The following TOPORS variants were observed in gnomAD, a reference collection of about 807,000 sequenced individuals.
TOPORS encodes E3 ubiquitin-protein ligase Topors.
In TOPORS, 25 loss-of-function variants were observed where a neutral mutation model predicts 81.4. The ratio of observed to expected loss-of-function variants is 0.31; its 90% CI spans 0.22 to 0.43. The LOEUF is 0.43. Ranked by LOEUF, TOPORS falls within the 20% of genes least tolerant of loss-of-function variation. The pLI, the probability that TOPORS is intolerant of heterozygous loss-of-function variation, is 1.00. For missense variants in TOPORS, 1,101 were observed against 1,267.0 expected, an observed-to-expected ratio of 0.87 and a Z score of 1.99; for synonymous variants, 473 against 456.6, an observed-to-expected ratio of 1.04 and a Z score of -0.46.
Position 32,542,023 on chromosome 9 carries a change from T to G in TOPORS, c.2502A>C (p.Gly834=), listed in dbSNP as rs1314158756. The G allele has an allele frequency of 6.2e-7, 1 of 1,614,046 alleles. No homozygotes were observed. Among genetic ancestry groups the G allele is most frequent in the Admixed American group, 1.7e-5 (1 of 60,004 alleles). The change falls in exon 3 of 3, where the codon GGA becomes GGC. Residue 834 remains glycine, a synonymous_variant. Transcript: ENST00000360538. ...AGGTATCACTCTCATTTTTGTAGTT[T>G]CCATCCAATTTTGATGAAGATTTTT... The part of the protein sequence containing the change: ...HYQKSSSKLD[G]NYKNESDTFS...
chr9:32,550,787 G>C lies in TOPORS; in HGVS notation c.185C>G (p.Pro62Arg). The change falls in exon 2 of 3, where the codon CCG (proline) becomes CGG (arginine). Residue 62 changes from proline to arginine, a missense_variant. Physicochemically the swap from Pro to Arg is moderately radical, Grantham distance 103. Transcript: ENST00000360538. ...LAASAPARPA[P>R]ASSEIMASAA... ...AATCTCACTCACCTCGGAGGATGCC[G>C]GCGCAGGCCTGGCTGGGGCGCTCGC... is the stretch of plus-strand genomic sequence containing the variant. The C allele has an allele frequency of 6.2e-7, 1 of 1,612,860 alleles. No homozygotes were observed. The highest frequency in any genetic ancestry group is 1.1e-5 in the South Asian group (1 of 91,058).
In TOPORS at chr9:32,542,027, T is replaced by A. The variant is rs757158120; in HGVS notation, c.2498A>T (p.Asp833Val). ...ATCACTCTCATTTTTGTAGTTTCCA[T>A]CCAATTTTGATGAAGATTTTTGGTA... ...SHYQKSSSKL[D>V]GNYKNESDTF... Residue 833 changes from aspartate to valine, a missense_variant, in exon 3 of 3, where the codon GAT becomes GTT. Coordinates refer to ENST00000360538, the MANE Select transcript of TOPORS (RefSeq NM_005802.5). 3.1e-6 allele frequency: 5 copies of A among 1,614,152 alleles called. No homozygotes were observed. The East Asian group carries it at 8.9e-5, about 29-fold the overall frequency.
At chr9:32,550,723 C>G (rs1219352736) in intron 2 of TOPORS, 51 bp downstream of exon 2, 1 of 1,603,168 alleles carries the variant, frequency 6.2e-7, no homozygotes, top group African/African-American at 1.3e-5. Flanking sequence ...GGAGCGCCAA[C>G]TCCCACGGCC....
chr9:32,549,487 T>C (rs1393207526), intron 2 of TOPORS, among the ~76,000 whole-genome samples: 1 of 152,208 alleles, frequency 6.6e-6, no homozygotes. Flanking sequence ...AATCTCACGT[T>C]TTCTCAATTC....
rs975571062 is a variant in TOPORS at position 32,543,317 on chromosome 9, T to C, written c.1208A>G (p.Glu403Gly). 1.9e-6 allele frequency: 3 copies of C among 1,614,000 alleles called. No individual in the cohort carries two copies. The highest frequency in any genetic ancestry group is 1.7e-6 in the Non-Finnish European group (2 of 1,180,032). The change falls in exon 3 of 3, where the codon GAG (glutamate) becomes GGG (glycine). Residue 403 changes from glutamate (E) to glycine (G), a missense_variant. This residue lies in a region of TOPORS where 103 missense variants were observed against 112.1 expected (regional missense o/e 0.92). Coordinates refer to ENST00000360538, the MANE Select transcript of TOPORS (RefSeq NM_005802.5). The surrounding 1 kb of genome is among the most constrained non-coding windows in gnomAD (Gnocchi z 5.6). ...AACAGTGGCTACATTAATATCCAGC[T>C]CTTGGGTCTCAGCCTCATCTGGAGA... ...TISPDEAETQELDINVATVSQ... is the reference protein window; with the variant it reads ...TISPDEAETQGLDINVATVSQ...
At chr9:32,547,235 G>T (rs962583626) in intron 2 of TOPORS, among the ~76,000 whole-genome samples, 6 of 112,156 alleles carry the variant, frequency 5.3e-5, no homozygotes, top group Admixed American at 1.7e-4. Context: ...CAAACAATTG[G>T]AATGCATGTA....
Position 32,541,330 on chromosome 9 carries a change from A to G in TOPORS, c.*57T>C. On this transcript the variant is annotated 3_prime_UTR_variant, in exon 3 of 3. Coordinates refer to ENST00000360538, the MANE Select transcript of TOPORS (RefSeq NM_005802.5). Reference sequence around the variant, plus strand: ...CTTTAAATAGACTGCAGTAGACGACATTCTTCCTTTTTCCTTTTTATAACA... The same window carrying G: ...CTTTAAATAGACTGCAGTAGACGACGTTCTTCCTTTTTCCTTTTTATAACA... The G allele has an allele frequency of 6.4e-7, 1 of 1,564,694 alleles. No homozygotes were observed. Among genetic ancestry groups the G allele is most frequent in the Non-Finnish European group, 8.8e-7 (1 of 1,138,374 alleles).
Position 32,540,703 on chromosome 9 carries a change from C to A in TOPORS, c.*684G>T, listed in dbSNP as rs766669578. The stretch of plus-strand genomic sequence containing the variant: ...ATTTATGACATAATTATGCCCTTAG[C>A]TACTTTCAAGATTTTAACTTTACTA... On this transcript the variant is annotated 3_prime_UTR_variant, in exon 3 of 3. Transcript: ENST00000360538. 1 of 152,446 alleles carries A rather than the reference C, an allele frequency of 6.6e-6. No homozygotes were observed. The highest frequency in any genetic ancestry group is 1.5e-5 in the Non-Finnish European group (1 of 68,002). The allele number at this position is 152,446 out of a possible 1,614,324, so 9.4% of individuals were successfully genotyped here.
At position 32,542,707 on chromosome 9, in the gene TOPORS, ACT is replaced by A; in HGVS notation, c.1816_1817del (p.Ser606Ter). On this transcript the variant is annotated frameshift_variant, in exon 3 of 3. Transcript: ENST00000360538. LOFTEE classifies it high-confidence loss of function. ...GATTCTTCTGATCATGCCCACTTCT[ACT>A]CTGAGAACGTGAATCTGAACTTCTT... Reference protein sequence around the residue: ...RSRSSDSRSQSRSGHDQKNHR... With the variant: ...RSRSSDSRSQXRSGHDQKNHR... 6.2e-7 allele frequency: 1 copy of A among 1,613,804 alleles called. No homozygotes were observed. Among genetic ancestry groups the A allele is most frequent in the Non-Finnish European group, 8.5e-7 (1 of 1,179,962 alleles).
At position 32,550,819 on chromosome 9, in the gene TOPORS, C is replaced by G. The variant is rs1366648700; in HGVS notation, c.153G>C (p.Glu51Asp). ...GCCTGGCTGGGGCGCTCGCCGCGAGCTCCCGGCAGCCCAGAAAGCTAGGTC... is the reference window on the plus strand; with the variant it reads ...GCCTGGCTGGGGCGCTCGCCGCGAGGTCCCGGCAGCCCAGAAAGCTAGGTC... ...RHRPSFLGCR[E>D]LAASAPARPA... Residue 51 changes from glutamate (E) to aspartate (D), a missense_variant, in exon 2 of 3, where the codon GAG becomes GAC. Transcript: ENST00000360538. 6.2e-7 allele frequency: 1 copy of G among 1,612,596 alleles called. No individual in the cohort carries two copies. The highest frequency in any genetic ancestry group is 8.5e-7 in the Non-Finnish European group (1 of 1,179,726).
Position 32,542,732 on chromosome 9 carries a change from C to T in TOPORS, c.1793G>A (p.Arg598Lys). Reference sequence around the variant, plus strand: ...ACTCTGAGAACGTGAATCTGAACTTCTTGATCTTCCCCTCTTTCTGTGTCT... The same window carrying T: ...ACTCTGAGAACGTGAATCTGAACTTTTTGATCTTCCCCTCTTTCTGTGTCT... Reference protein sequence around the residue: ...NHRHRKRGRSRSSDSRSQSRS... With the variant: ...NHRHRKRGRSKSSDSRSQSRS... Residue 598 changes from arginine to lysine, a missense_variant, in exon 3 of 3, where the codon AGA becomes AAA. By Grantham distance (26) the Arg-to-Lys change is conservative. Transcript: ENST00000360538. 1 of 1,614,040 alleles carries T rather than the reference C, an allele frequency of 6.2e-7. No individual in the cohort carries two copies. The highest frequency in any genetic ancestry group is 1.7e-4 in the Middle Eastern group (1 of 6,060).
At chr9:32,549,660 A>G (rs1821196327) in intron 2 of TOPORS, among the ~76,000 whole-genome samples, 1 of 152,238 alleles carries the variant, frequency 6.6e-6, no homozygotes, top group African/African-American at 2.4e-5. Flanking sequence ...ATGGGTCCAG[A>G]CAGAGGATAG....
chr9:32,551,659 A>C, intron 1 of TOPORS: 1 of 281,124 alleles, frequency 3.6e-6, no homozygotes, highest in Non-Finnish European at 7.8e-6. Context: ...CAGGCCTCAA[A>C]TGTGAGCGCC....
chr9:32,548,176 T>C (rs1348814091), intron 2 of TOPORS, among the ~76,000 whole-genome samples: 5 of 151,140 alleles, frequency 3.3e-5, no homozygotes, highest in African/African-American at 1.2e-4. Flanking sequence ...CAAAGCTGTT[T>C]AAAAATACAA....
rs754060409 is a variant in TOPORS, at chr9:32,543,070, T to C, written c.1455A>G (p.Lys485=). The change falls in exon 3 of 3, where the codon AAA becomes AAG. Residue 485 remains lysine, a synonymous_variant. Coordinates refer to ENST00000360538, the MANE Select transcript of TOPORS (RefSeq NM_005802.5). The surrounding 1 kb of genome is among the most constrained non-coding windows in gnomAD (Gnocchi z 5.6). ...SDNCVIVGFV[K]PLAERTPELV... Reference sequence around the variant, plus strand: ...GTTCTGGGGTCCTCTCAGCTAGTGGTTTAACAAACCCAACAATGACACAAT... The same window carrying C: ...GTTCTGGGGTCCTCTCAGCTAGTGGCTTAACAAACCCAACAATGACACAAT... 6.2e-7 allele frequency: 1 copy of C among 1,614,174 alleles called. No individual in the cohort carries two copies. The highest frequency in any genetic ancestry group is 8.5e-7 in the Non-Finnish European group (1 of 1,180,028).
chr9:32,541,324 G>A lies in TOPORS; in HGVS notation c.*63C>T. The A allele has an allele frequency of 9.2e-6, 14 of 1,526,862 alleles. No individual in the cohort carries two copies. Among genetic ancestry groups the A allele is most frequent in the Non-Finnish European group, 1.3e-5 (14 of 1,106,466 alleles). 94.6% of individuals were successfully genotyped at this position (1,526,862 alleles called of 1,614,324 possible). ...TGTCATCTTTAAATAGACTGCAGTAGACGACATTCTTCCTTTTTCCTTTTT... is the reference window on the plus strand; with the variant it reads ...TGTCATCTTTAAATAGACTGCAGTAAACGACATTCTTCCTTTTTCCTTTTT... On this transcript the variant is annotated 3_prime_UTR_variant, in exon 3 of 3. Transcript: ENST00000360538.
At chr9:32,552,388 G>A (rs1821306465) in intron 1 of TOPORS, 46 bp downstream of exon 1, 1 of 1,605,914 alleles carries the variant, frequency 6.2e-7, no homozygotes, top group African/African-American at 1.3e-5. Context: ...TTACTGTAAG[G>A]CCCGCAGCTC....
At chr9:32,549,652 G>A (rs993799457) in intron 2 of TOPORS, among the ~76,000 whole-genome samples, 1 of 152,084 alleles carries the variant, frequency 6.6e-6, no homozygotes, top group African/African-American at 2.4e-5. Context: ...CTGATTATAT[G>A]GGTCCAGACA....
Position 32,543,168 on chromosome 9 carries a change from C to T in TOPORS, c.1357G>A (p.Gly453Arg), listed in dbSNP as rs1315782224. 6.8e-6 allele frequency: 11 copies of T among 1,613,980 alleles called. No individual in the cohort carries two copies. Among genetic ancestry groups the T allele is most frequent in the Non-Finnish European group, 9.3e-6 (11 of 1,180,024 alleles). Residue 453 changes from glycine (G) to arginine (R), a missense_variant, in exon 3 of 3, where the codon GGA (glycine) becomes AGA (arginine). Around this residue, in one of 9 missense-constraint regions of TOPORS, gnomAD observed 103 missense variants for 112.1 expected, o/e 0.92. Transcript: ENST00000360538. This position sits in a 1 kb window ranked among gnomAD's most constrained non-coding sequence, Gnocchi z 5.6. ...ACTCCTTGTATCTGAGACGTGGCTCCTCCTGTGACAAGTTCTTCATCTGAA... is the reference window on the plus strand; with the variant it reads ...ACTCCTTGTATCTGAGACGTGGCTCTTCCTGTGACAAGTTCTTCATCTGAA... The part of the protein sequence containing the change: ...DSSDEELVTG[G>R]ATSQIQGVQT...
Sources: allele counts gnomAD v4.1 joint callset (sites outside exome capture counted in the v4.1 genomes callset), GRCh38; gene constraint gnomAD v4.1.1; regional missense constraint gnomAD v4.1.1; non-coding constraint Gnocchi (gnomAD v3.1); transcripts MANE v1.5; gene names NCBI Gene and HGNC (gene_info 2026-07-23, HGNC 2026-07-21).